Variants in ANK2 observed in about 807,000 individuals in gnomAD.
ANK2 encodes the protein ankyrin-2.
In ANK2, 83 loss-of-function variants were observed where a neutral mutation model predicts 360.5. The observed-to-expected ratio is 0.23, with a 90% confidence interval of 0.19 to 0.28. The LOEUF is 0.28. Ranked by LOEUF, ANK2 falls within the 10% of genes least tolerant of loss-of-function variation. ANK2 has a pLI of 1.00. For synonymous variants in ANK2, 1,740 were observed against 1,759.5 expected (o/e 0.99, Z 0.28); for missense variants, 4,201 against 4,795.7 (o/e 0.88, Z 3.66).
chr4:113,264,161 A>G (rs992988960), intron 13 of ANK2, among the ~76,000 whole-genome samples: 7 of 152,320 alleles, frequency 4.6e-5, no homozygotes, highest in South Asian at 2.1e-4. Context: ...GGGCAAATCA[A>G]ATTTCTTGTC....
At chr4:112,728,312 A>G in the ANK2 span, among the ~76,000 whole-genome samples, 4 of 150,566 alleles carry the variant, frequency 2.7e-5, no homozygotes, top group Non-Finnish European at 5.9e-5. Context: ...AAAAAAAAAA[A>G]AAAAAAAAGA....
chr4:113,130,974 G>A (rs1005990265), intron 1 of ANK2, among the ~76,000 whole-genome samples: 4 of 152,184 alleles, frequency 2.6e-5, no homozygotes, highest in African/African-American at 9.6e-5. Context: ...AAGATGTTAT[G>A]AAGGATGAGA....
chr4:113,286,279 T>C (rs1028695881), intron 18 of ANK2, among the ~76,000 whole-genome samples: 2 of 152,206 alleles, frequency 1.3e-5, no homozygotes, highest in Non-Finnish European at 2.9e-5. Flanking sequence ...GATTAAATAA[T>C]ATTTGTTTAG....
At chr4:113,237,665 T>C (rs1309898174) in intron 7 of ANK2, 43 bp downstream of exon 7, 1 of 1,545,666 alleles carries the variant, frequency 6.5e-7, no homozygotes, top group African/African-American at 1.4e-5. Context: ...TGTCTTTATT[T>C]TTAGTTTTTG....
At chr4:113,054,962 C>T (rs35308370) in intron 1 of ANK2, among the ~76,000 whole-genome samples, 57,452 of 152,038 alleles carry the variant, frequency 0.38, 13,067 homozygotes, top group Admixed American at 0.49. Context: ...TGTCTGCTGA[C>T]CTCAACTACC....
At chr4:112,916,022 T>C (rs1010765285) in intron 2 of ANK2, among the ~76,000 whole-genome samples, 1 of 152,178 alleles carries the variant, frequency 6.6e-6, no homozygotes, top group Non-Finnish European at 1.5e-5. Context: ...TTGTCAGATA[T>C]TATTGATATT....
rs556184466 is a variant in ANK2 at position 113,107,443 on chromosome 4, CTGACCTCAGG to C, written c.84+57635_84+57644del. 1.3e-3 allele frequency among the ~76,000 whole-genome samples: 197 copies of C among 152,272 alleles called. 1 individual carries two copies. Among genetic ancestry groups the C allele is most frequent in the African/African-American group, 3.7e-3 (152 of 41,554 alleles). On this transcript the variant is annotated intron_variant, in intron 1 of 45. Transcript: ENST00000357077. The stretch of plus-strand genomic sequence containing the variant: ...TGTTGGCCATGCAGGTCTTGAACTC[CTGACCTCAGG>C]TGATCTACCCACTTTGGCCTCCCAA...
Position 113,354,510 on chromosome 4 carries a change from A to T in ANK2, c.5892A>T (p.Ser1964=). 1 of 1,614,134 alleles carries T rather than the reference A, an allele frequency of 6.2e-7. No homozygotes were observed. Among genetic ancestry groups the T allele is most frequent in the Non-Finnish European group, 8.5e-7 (1 of 1,179,994 alleles). The change falls in exon 38 of 46, where the codon TCA becomes TCT. Residue 1964 remains serine (S), a synonymous_variant. Transcript: ENST00000357077. The part of the protein sequence containing the change: ...AGKTEKHLPV[S]PSGKTEKQPP... ...AAACTGAGAAGCACCTGCCTGTGTCACCTTCTGGCAAAACAGAAAAGCAAC... is the reference window on the plus strand; with the variant it reads ...AAACTGAGAAGCACCTGCCTGTGTCTCCTTCTGGCAAAACAGAAAAGCAAC...
At chr4:112,760,702 A>T in the ANK2 span, among the ~76,000 whole-genome samples, 5 of 151,584 alleles carry the variant, frequency 3.3e-5, no homozygotes, top group East Asian at 9.7e-4. Flanking sequence ...CAAATTCCAT[A>T]TTCTTAAAGG....
chr4:112,895,096 A>G (rs915211215), intron 1 of ANK2, among the ~76,000 whole-genome samples: 10 of 152,220 alleles, frequency 6.6e-5, no homozygotes, highest in African/African-American at 2.4e-4. Context: ...GTGCTGGTAA[A>G]TGGCCTAAGG....
chr4:112,846,567 ACTCCT>A (rs892724183), intron 1 of ANK2, among the ~76,000 whole-genome samples: 1 of 142,170 alleles, frequency 7.0e-6, no homozygotes, highest in Non-Finnish European at 1.6e-5. Context: ...TTTTTGAAAC[ACTCCT>A]CTCCTCTCTC....
chr4:113,199,805 T>G (rs2098803787), intron 4 of ANK2, among the ~76,000 whole-genome samples: 1 of 152,194 alleles, frequency 6.6e-6, no homozygotes, highest in Non-Finnish European at 1.5e-5. Flanking sequence ...CTCCTTTGCC[T>G]TTCTGATAAC....
intron 1 of ANK2, among the ~76,000 whole-genome samples, chr4:113,098,373 G>A (rs2092073303): frequency 6.6e-6 from 1 of 151,880 alleles, no homozygotes; most frequent in Admixed American, 6.6e-5. Flanking sequence ...AAAGAGGGAT[G>A]GATCATCACC....
intron 1 of ANK2, among the ~76,000 whole-genome samples, chr4:113,102,470 A>G (rs747704280): frequency 2.2e-4 from 34 of 152,150 alleles, no homozygotes; most frequent in Non-Finnish European, 4.1e-4. Flanking sequence ...ATTTACCACC[A>G]TGGGAGCAGA....
intron 26 of ANK2, among the ~76,000 whole-genome samples, chr4:113,326,117 A>G (rs1030692196): frequency 4.6e-5 from 7 of 152,188 alleles, no homozygotes; most frequent in Non-Finnish European, 1.0e-4. Context: ...CCTGTGGTAC[A>G]TAAAAGTACG....
At chr4:113,372,649 C>T (rs143363755) in intron 43 of ANK2, 262 of 1,460,358 alleles carry the variant, frequency 1.8e-4, no homozygotes, top group Admixed American at 3.3e-4. Context: ...AATTACTGCA[C>T]GTCAGGGACA....
the ANK2 span, among the ~76,000 whole-genome samples, chr4:112,809,470 A>T: frequency 5.3e-3 from 797 of 150,634 alleles, 11 homozygotes; most frequent in African/African-American, 0.019. Flanking sequence ...CTGAGGCAGG[A>T]GAATGGCGTG....
At chr4:113,279,914 C>T (rs948543919) in intron 17 of ANK2, among the ~76,000 whole-genome samples, 2 of 151,948 alleles carry the variant, frequency 1.3e-5, no homozygotes, top group African/African-American at 4.8e-5. Context: ...TCTTTCTTTA[C>T]ACTAGATTAT....
chr4:113,177,309 T>C (rs1333087999), intron 2 of ANK2, among the ~76,000 whole-genome samples: 1 of 152,038 alleles, frequency 6.6e-6, no homozygotes, highest in Non-Finnish European at 1.5e-5. Context: ...CTCGATCTCC[T>C]GACCTCGTGA....
Sources: allele counts gnomAD v4.1 joint callset (sites outside exome capture counted in the v4.1 genomes callset), GRCh38; gene constraint gnomAD v4.1.1; transcripts MANE v1.5; gene names NCBI Gene and HGNC (gene_info 2026-07-23, HGNC 2026-07-21).